Variants in ZNF821 observed in about 807,000 individuals in gnomAD.
ZNF821 encodes the protein zinc finger protein 821.
In ZNF821, 16 loss-of-function variants were observed where a neutral mutation model predicts 44.3. That is an observed-to-expected ratio of 0.36 (90% CI 0.24 to 0.55). ZNF821 has a LOEUF of 0.55. Among genes scored for constraint, ZNF821 ranks in the 20% least tolerant of loss-of-function variants. The pLI, the probability that ZNF821 is intolerant of heterozygous loss-of-function variation, is 0.86. For missense variants in ZNF821, 436 were observed against 547.6 expected (o/e 0.80, Z 2.03); for synonymous variants, 204 against 197.6 (o/e 1.03, Z -0.27).
At chr16:71,863,401 CTTTTTT>C (rs372197045) in intron 6 of ZNF821, among the ~76,000 whole-genome samples, 4 of 108,598 alleles carry the variant, frequency 3.7e-5, no homozygotes, top group Non-Finnish European at 5.4e-5. Flanking sequence ...AGCAGAATCT[CTTTTTT>C]TTTTTTTTTT....
chr16:71,878,379 A>C (rs965981993), intron 3 of ZNF821, among the ~76,000 whole-genome samples: 15 of 151,946 alleles, frequency 9.9e-5, no homozygotes, highest in Middle Eastern at 6.8e-3. Flanking sequence ...GGCCTCCCAA[A>C]GTGCTGGGAT....
intron 3 of ZNF821, among the ~76,000 whole-genome samples, chr16:71,869,489 G>C (rs766153163): frequency 1.3e-5 from 2 of 152,142 alleles, no homozygotes; most frequent in Non-Finnish European, 2.9e-5. Flanking sequence ...GCAAGCTCCA[G>C]GCTCTATGGT....
Position 71,894,883 on chromosome 16 carries a change from G to A in ZNF821, n.448+6C>T, listed in dbSNP as rs949346238. ...GGTAACCAAGGAAAAAGTTTTCTCT[G>A]AATACCGAGATAAATTAGGGAAATC... is the stretch of plus-strand genomic sequence containing the variant. On this transcript the variant is annotated splice_donor_region_variant and intron_variant and non_coding_transcript_variant, in intron 1 of 2. Coordinates refer to the ZNF821 transcript ENST00000561700. The A allele has an allele frequency of 8.2e-6, 12 of 1,462,446 alleles. No homozygotes were observed. The African/African-American group carries it at 1.5e-4, about 19-fold the overall frequency. 90.6% of individuals were successfully genotyped at this position (1,462,446 alleles called of 1,614,324 possible).
chr16:71,871,073 C>T (rs147410836), intron 3 of ZNF821, among the ~76,000 whole-genome samples: 2 of 152,268 alleles, frequency 1.3e-5, no homozygotes, highest in Non-Finnish European at 2.9e-5. Context: ...AATTCAGTTT[C>T]GTCTCCAACT....
chr16:71,860,024 CAG>C lies in ZNF821; in HGVS notation c.1231_1232del (p.Leu411AlafsTer50). The C allele has an allele frequency of 1.2e-6, 2 of 1,600,084 alleles. No individual in the cohort carries two copies. Among genetic ancestry groups the C allele is most frequent in the Non-Finnish European group, 1.7e-6 (2 of 1,173,874 alleles). ...MAFEEQNSSSLH is the reference protein window; with the variant it reads ...MAFEEQNSSSXH The stretch of plus-strand genomic sequence containing the variant: ...GCAGGCAGGAGGGTGTGGTTCAGTG[CAG>C]AGAGCTGCTGTTCTGCTCTTCAAAG... On this transcript the variant is annotated frameshift_variant, in exon 8 of 8. Coordinates refer to ENST00000425432, the MANE Select transcript of ZNF821 (RefSeq NM_001201552.2). LOFTEE classifies it high-confidence loss of function. This position sits in a 1 kb window ranked among gnomAD's most constrained non-coding sequence, Gnocchi z 7.3.
At position 71,868,046 on chromosome 16, in the gene ZNF821, C is replaced by A; in HGVS notation, c.41-9G>T. ...AGCAAATACTTGATCCCCTGGTGGT[C>A]ACAAGGAAAAATAGTCAGGCCACCA... On this transcript the variant is annotated splice_polypyrimidine_tract_variant and intron_variant, in intron 3 of 7. Transcript: ENST00000425432. The A allele has an allele frequency of 1.0e-5, 16 of 1,533,182 alleles. No homozygotes were observed. The highest frequency in any genetic ancestry group is 1.4e-5 in the Non-Finnish European group (16 of 1,145,820). 95.0% of individuals were successfully genotyped at this position (1,533,182 alleles called of 1,614,324 possible).
exon 1 of ZNF821, chr16:71,894,898 T>G: frequency 2.2e-6 from 3 of 1,372,934 alleles, no homozygotes; most frequent in Non-Finnish European, 3.0e-6. Flanking sequence ...CCGAGATAAA[T>G]TAGGGAAATC....
intron 2 of ZNF821, among the ~76,000 whole-genome samples, chr16:71,880,741 G>A (rs923248270): frequency 1.3e-4 from 20 of 152,248 alleles, no homozygotes; most frequent in Middle Eastern, 3.4e-3. Context: ...ATACCACCTG[G>A]CCCTCCTCAC....
At chr16:71,872,409 C>G (rs867273155) in intron 3 of ZNF821, among the ~76,000 whole-genome samples, 28 of 151,858 alleles carry the variant, frequency 1.8e-4, no homozygotes, top group African/African-American at 6.5e-4. Flanking sequence ...GTCAGGAGAT[C>G]GAGACCATCC....
chr16:71,864,710 T>G, intron 5 of ZNF821, 193 bp downstream of exon 5: 1 of 636,182 alleles, frequency 1.6e-6, no homozygotes, highest in Non-Finnish European at 2.7e-6. Context: ...GATTCGTGGA[T>G]GGAAAAGGAA....
At chr16:71,861,663 A>G (rs1450336319) in intron 7 of ZNF821, 113 bp downstream of exon 7, 1 of 1,254,452 alleles carries the variant, frequency 8.0e-7, no homozygotes, top group East Asian at 2.4e-5. Flanking sequence ...TCCAAGGAGC[A>G]TGCATCAGCT....
chr16:71,875,700 G>A (rs575994809), intron 3 of ZNF821, among the ~76,000 whole-genome samples: 20 of 152,174 alleles, frequency 1.3e-4, no homozygotes, highest in African/African-American at 4.8e-4. Context: ...CTGACCTCGT[G>A]ATCCGCCGGC....
chr16:71,860,507 G>A lies in ZNF821; in HGVS notation c.750C>T (p.Ala250=), dbSNP rs2033722966. ...NCAAYRKLLE[A]QTPSVRKWAL... ...CCCACTTGCGTACACTGGGAGTCTGGGCTTCCAGCAGTTTACGGTAGGCAG... is the reference window on the plus strand; with the variant it reads ...CCCACTTGCGTACACTGGGAGTCTGAGCTTCCAGCAGTTTACGGTAGGCAG... Residue 250 remains alanine, a synonymous_variant, in exon 8 of 8, where the codon GCC becomes GCT. Coordinates refer to ENST00000425432, the MANE Select transcript of ZNF821 (RefSeq NM_001201552.2). This position sits in a 1 kb window ranked among gnomAD's most constrained non-coding sequence, Gnocchi z 7.3. 1 of 1,614,042 alleles carries A rather than the reference G, an allele frequency of 6.2e-7. No homozygotes were observed. Among genetic ancestry groups the A allele is most frequent in the African/African-American group, 1.3e-5 (1 of 74,914 alleles).
chr16:71,870,868 C>T (rs1375616100), intron 3 of ZNF821, among the ~76,000 whole-genome samples: 1 of 152,154 alleles, frequency 6.6e-6, no homozygotes, highest in African/African-American at 2.4e-5. Context: ...CACTAAGGAA[C>T]AAGTTATGTA....
intron 3 of ZNF821, among the ~76,000 whole-genome samples, chr16:71,878,914 ACT>A (rs750184052): frequency 9.4e-5 from 14 of 148,552 alleles, no homozygotes; most frequent in Non-Finnish European, 1.8e-4. Context: ...ACAGAGCGAG[ACT>A]CTGTCTCAAA....
intron 6 of ZNF821, among the ~76,000 whole-genome samples, chr16:71,863,407 T>TC (rs2034150537): frequency 7.1e-6 from 1 of 141,252 alleles, no homozygotes. Context: ...ATCTCTTTTT[T>TC]TTTTTTTTTT....
chr16:71,895,069 A>G (rs932444985), exon 1 of ZNF821: 2 of 443,584 alleles, frequency 4.5e-6, no homozygotes, highest in Admixed American at 8.0e-5. Context: ...AGGGATACGC[A>G]GGCTTCGAAA....
chr16:71,871,119 C>G (rs946249956), intron 3 of ZNF821, among the ~76,000 whole-genome samples: 3 of 152,084 alleles, frequency 2.0e-5, no homozygotes, highest in Non-Finnish European at 4.4e-5. Flanking sequence ...TTGATGTTGT[C>G]TAAATATTGA....
At chr16:71,881,951 AC>A (rs2036461639) in intron 2 of ZNF821, 1 of 152,116 alleles carries the variant, frequency 6.6e-6, no homozygotes, top group South Asian at 2.1e-4. Flanking sequence ...AGCTTGGGCA[AC>A]AGAGTGAGAC....
Sources: gnomAD v4.1 joint callset for allele counts (sites outside exome capture counted in the v4.1 genomes callset) on GRCh38, gnomAD v4.1.1 for gene constraint, Gnocchi (gnomAD v3.1) non-coding constraint, MANE v1.5 for transcripts, NCBI Gene and HGNC (gene_info 2026-07-23, HGNC 2026-07-21) for gene names.